The following SYNPO variants were observed in gnomAD, a reference collection of about 807,000 sequenced individuals.
SYNPO encodes the protein synaptopodin.
SYNPO carries 19 observed loss-of-function variants against 49.5 expected under a neutral mutation model. The observed-to-expected ratio is 0.38, with a 90% CI of 0.27 to 0.56. The LOEUF is 0.56. Ranked by LOEUF, SYNPO falls within the 20% of genes least tolerant of loss-of-function variation. The probability of loss-of-function intolerance (pLI) is 0.68; values close to 1 mark genes in which losing one functional copy is unlikely to be tolerated. For synonymous variants in SYNPO, 536 were observed against 548.0 expected, an observed-to-expected ratio of 0.98 and a Z score of 0.31; for missense variants, 1,131 against 1,248.3, an observed-to-expected ratio of 0.91 and a Z score of 1.42.
At position 150,640,846 on chromosome 5, in the gene SYNPO, C is replaced by T. The variant is rs754132386; in HGVS notation, c.-341C>T. Reference sequence around the variant, plus strand: ...GGGGGAAGCTTGGCTTCAGGGAGGACCTAGCAGAGTGAGTAAGATGAGCAC... The same window carrying T: ...GGGGGAAGCTTGGCTTCAGGGAGGATCTAGCAGAGTGAGTAAGATGAGCAC... On this transcript the variant is annotated 5_prime_UTR_variant, in exon 1 of 3. Transcript: ENST00000307662. 4.7e-4 allele frequency: 462 copies of T among 985,594 alleles called. No homozygotes were observed. The highest frequency in any genetic ancestry group is 5.2e-4 in the Non-Finnish European group (432 of 829,970). 61.1% of individuals were successfully genotyped at this position (985,594 alleles called of 1,614,324 possible). A position where few individuals can be genotyped will look rare whatever the true frequency, so the allele number is the denominator to read the frequency against.
intron 2 of SYNPO, among the ~76,000 whole-genome samples, chr5:150,632,532 G>A (rs908389749): frequency 1.2e-4 from 19 of 152,190 alleles, no homozygotes; most frequent in Admixed American, 2.6e-4. Flanking sequence ...TAGGATGGGC[G>A]TCAGGAGGAG....
chr5:150,639,919 GGGCAGCAT>G (rs148480450), upstream of SYNPO, among the ~76,000 whole-genome samples: 652 of 152,300 alleles, frequency 4.3e-3, 4 homozygotes, highest in African/African-American at 0.014. Flanking sequence ...CACTGGGAGG[GGGCAGCAT>G]GGCCCACGTG....
At chr5:150,639,369 G>T (rs953435777), upstream of SYNPO, among the ~76,000 whole-genome samples, 10 of 152,376 alleles carry the variant, frequency 6.6e-5, no homozygotes, top group African/African-American at 2.4e-4. Flanking sequence ...TCTGAGCTCT[G>T]TTCCTGCTCT....
chr5:150,618,526 C>T lies in SYNPO; in HGVS notation c.159C>T (p.Thr53=), dbSNP rs368466073. ...GCCTGCAGGGAGAGGTGGGGCCTAC[C>T]GACCTGGAAGAGGATGAGGGGGTCA... The change falls in exon 2 of 3, where the codon ACC becomes ACT. Residue 53 remains threonine (T), a synonymous_variant. Coordinates refer to the SYNPO transcript ENST00000394243. 23 of 1,550,900 alleles carry T rather than the reference C, an allele frequency of 1.5e-5. No homozygotes were observed. In the African/African-American group the frequency reaches 1.8e-4, roughly 12 times the overall value.
At chr5:150,600,345 C>T (rs182219397), upstream of SYNPO, among the ~76,000 whole-genome samples, 496 of 152,358 alleles carry the variant, frequency 3.3e-3, no homozygotes, top group African/African-American at 0.011. Flanking sequence ...GAAAGGCAGG[C>T]GGGCACTCTC....
At chr5:150,594,163 G>T in the SYNPO span, among the ~76,000 whole-genome samples, 1 of 152,206 alleles carries the variant, frequency 6.6e-6, no homozygotes, top group Non-Finnish European at 1.5e-5. Flanking sequence ...AATCCTGTGT[G>T]TGGGCCAGGA....
intron 1 of SYNPO, among the ~76,000 whole-genome samples, chr5:150,642,168 G>A (rs1166215962): frequency 1.3e-5 from 2 of 152,200 alleles, no homozygotes; most frequent in Non-Finnish European, 2.9e-5. Context: ...GCTGCAGCAG[G>A]GGCTCAGTAG....
chr5:150,631,058 C>T (rs1757520114), intron 2 of SYNPO, among the ~76,000 whole-genome samples: 1 of 152,188 alleles, frequency 6.6e-6, no homozygotes, highest in Admixed American at 6.5e-5. Flanking sequence ...TCCTGTACAA[C>T]TCCGGGTGAG....
Position 150,651,719 on chromosome 5 carries a change from T to TCTGG in SYNPO, c.2028+1417_2028+1420dup, listed in dbSNP as rs1316116633. 27 of 1,000,364 alleles carry TCTGG rather than the reference T, an allele frequency of 2.7e-5. No homozygotes were observed. In the South Asian group the frequency reaches 1.1e-3, roughly 42 times the overall value. The allele number at this position is 1,000,364 out of a possible 1,614,324, so 62.0% of individuals were successfully genotyped here. A position where few individuals can be genotyped will look rare whatever the true frequency, so the allele number is the denominator to read the frequency against. On this transcript the variant is annotated intron_variant, in intron 2 of 2. Coordinates refer to ENST00000307662, the MANE Select transcript of SYNPO (RefSeq NM_007286.6). ...GGAGATCTTAGAATTTTGAGGAAAA[T>TCTGG]CTGGGACTTGAGACCTGGATTCTAA...
intron 1 of SYNPO, among the ~76,000 whole-genome samples, chr5:150,607,134 G>A (rs950770262): frequency 5.7e-4 from 87 of 152,134 alleles, no homozygotes; most frequent in African/African-American, 2.0e-3. Context: ...ACTTAAATAC[G>A]TGTCAGGTCC....
intron 2 of SYNPO, among the ~76,000 whole-genome samples, chr5:150,628,046 G>C (rs575275694): frequency 1.5e-5 from 2 of 133,766 alleles, no homozygotes; most frequent in Admixed American, 6.9e-5. Flanking sequence ...CTGTGTGTGT[G>C]TGTGTGTGTG....
chr5:150,619,135 C>A (rs79819720), intron 2 of SYNPO, among the ~76,000 whole-genome samples: 124 of 152,260 alleles, frequency 8.1e-4, no homozygotes, highest in African/African-American at 2.9e-3. Context: ...GGGGCAGAAC[C>A]CTCTCATTAA....
Position 150,649,208 on chromosome 5 carries a change from C to T in SYNPO, c.933C>T (p.Pro311=), listed in dbSNP as rs1204851899. 1.9e-6 allele frequency: 3 copies of T among 1,614,130 alleles called. No homozygotes were observed. The highest frequency in any genetic ancestry group is 2.2e-5 in the East Asian group (1 of 44,862). The change falls in exon 2 of 3, where the codon CCC becomes CCT. Residue 311 remains proline (P), a synonymous_variant. Transcript: ENST00000307662. ...GAAGCCCGGCCTCAGAGAGACGCCC[C>T]TTGGGGAACTTCACTGCACCCCCCA... ...GQRSPASERR[P]LGNFTAPPTY... is the part of the protein sequence containing the mutation.
intron 2 of SYNPO, among the ~76,000 whole-genome samples, chr5:150,632,108 G>A (rs77905187): frequency 0.015 from 2,336 of 152,142 alleles, 31 homozygotes; most frequent in Non-Finnish European, 0.025. Context: ...TCTGCTGTAC[G>A]CTCTAGGGCA....
intron 2 of SYNPO, among the ~76,000 whole-genome samples, chr5:150,630,073 C>T (rs566637164): frequency 2.6e-5 from 4 of 152,128 alleles, no homozygotes; most frequent in African/African-American, 7.2e-5. Context: ...GTCTAGGGTC[C>T]GGGGCTCTGA....
At chr5:150,645,178 A>G (rs1758046696) in intron 1 of SYNPO, among the ~76,000 whole-genome samples, 1 of 152,156 alleles carries the variant, frequency 6.6e-6, no homozygotes, top group African/African-American at 2.4e-5. Flanking sequence ...CTCTGTCAGA[A>G]TTCTTCCAGC....
intron 1 of SYNPO, among the ~76,000 whole-genome samples, chr5:150,606,631 A>C (rs1756700685): frequency 6.6e-6 from 1 of 152,186 alleles, no homozygotes; most frequent in African/African-American, 2.4e-5. Context: ...TGCCCTGTGG[A>C]GCAGCAACAT....
At chr5:150,601,395 C>T (rs900436355) in intron 1 of SYNPO, among the ~76,000 whole-genome samples, 5 of 152,012 alleles carry the variant, frequency 3.3e-5, no homozygotes, top group East Asian at 1.9e-4. Flanking sequence ...TCCCAGGCAG[C>T]GGGGCAGAGA....
chr5:150,594,924 G>A, the SYNPO span, among the ~76,000 whole-genome samples: 1 of 152,186 alleles, frequency 6.6e-6, no homozygotes, highest in Non-Finnish European at 1.5e-5. Context: ...TGGATGCTGT[G>A]GAAGGAGGTC....
Sources: allele counts gnomAD v4.1 joint callset (sites outside exome capture counted in the v4.1 genomes callset), GRCh38; gene constraint gnomAD v4.1.1; transcripts MANE v1.5; gene names NCBI Gene and HGNC (gene_info 2026-07-23, HGNC 2026-07-21).